SYTL5: variants seen among roughly 807,000 people sequenced by gnomAD.
SYTL5 encodes the protein synaptotagmin like 5, also known as synaptotagmin-like protein 5.
Under a neutral mutation model 55.9 loss-of-function variants are expected in SYTL5, and 34 were observed. The observed-to-expected ratio is 0.61, with a 90% CI of 0.46 to 0.81. SYTL5 has a LOEUF of 0.81. Ranked by LOEUF, SYTL5 falls within the 30% of genes least tolerant of loss-of-function variation. The pLI is 0.00. For missense variants in SYTL5, 637 were observed against 546.7 expected (o/e 1.17, Z -1.65); for synonymous variants, 221 against 188.7 (o/e 1.17, Z -1.40).
chrX:37,891,231 T>C, the SYTL5 span, among the ~76,000 whole-genome samples: 1 of 111,951 alleles, frequency 8.9e-6, no homozygotes, highest in Non-Finnish European at 1.9e-5. Context: ...ACAACCAAAA[T>C]GTCCATCAAT....
chrX:38,044,954 A>G (rs1193368293), intron 2 of SYTL5, among the ~76,000 whole-genome samples: 1 of 111,915 alleles, frequency 8.9e-6, no homozygotes, highest in African/African-American at 3.2e-5. Context: ...AAGGTATCAA[A>G]TTGCAGTGAT....
chrX:38,044,221 A>G (rs1178590293), intron 2 of SYTL5, among the ~76,000 whole-genome samples: 2 of 111,886 alleles, frequency 1.8e-5, no homozygotes, highest in East Asian at 5.6e-4. Flanking sequence ...CATTTCTTGT[A>G]TCATGTACTG....
the SYTL5 span, among the ~76,000 whole-genome samples, chrX:37,967,986 A>C: frequency 9.2e-6 from 1 of 108,617 alleles, no homozygotes; most frequent in African/African-American, 3.4e-5. Context: ...TGAATTCTTC[A>C]GCTTCCAGAT....
chrX:37,995,246 C>G, the SYTL5 span, among the ~76,000 whole-genome samples: 1 of 111,222 alleles, frequency 9.0e-6, no homozygotes, highest in Non-Finnish European at 1.9e-5. Context: ...GACTGAGGTG[C>G]AGGAGGCTTT....
At chrX:37,923,040 A>G in the SYTL5 span, among the ~76,000 whole-genome samples, 1 of 112,411 alleles carries the variant, frequency 8.9e-6, no homozygotes, top group Non-Finnish European at 1.9e-5. Context: ...CAGAAAGGAA[A>G]TTTAAAACTT....
chrX:37,986,867 A>C, the SYTL5 span, among the ~76,000 whole-genome samples: 1 of 111,744 alleles, frequency 8.9e-6, no homozygotes, highest in African/African-American at 3.3e-5. Flanking sequence ...AAGAGTTTTA[A>C]ATCTTTTTTT....
the SYTL5 span, among the ~76,000 whole-genome samples, chrX:37,905,028 G>C: frequency 9.0e-6 from 1 of 110,838 alleles, no homozygotes; most frequent in South Asian, 3.9e-4. Flanking sequence ...AACACACCAG[G>C]TCATGAGTCA....
chrX:38,105,709 T>A (rs893096774), intron 10 of SYTL5, among the ~76,000 whole-genome samples: 1 of 112,136 alleles, frequency 8.9e-6, no homozygotes, highest in Non-Finnish European at 1.9e-5. Flanking sequence ...TTAAAACTTA[T>A]GAATTTTTTG....
the SYTL5 span, among the ~76,000 whole-genome samples, chrX:37,952,729 AG>A: frequency 9.0e-6 from 1 of 111,204 alleles, no homozygotes; most frequent in African/African-American, 3.3e-5. Context: ...GCTATTTCAA[AG>A]ATGGTAAAAG....
At chrX:37,960,446 C>T in the SYTL5 span, among the ~76,000 whole-genome samples, 1 of 112,297 alleles carries the variant, frequency 8.9e-6, no homozygotes, top group Non-Finnish European at 1.9e-5. Context: ...GTTCCACAAG[C>T]TATTCCAGTT....
chrX:37,926,751 T>C, the SYTL5 span, among the ~76,000 whole-genome samples: 1 of 111,854 alleles, frequency 8.9e-6, no homozygotes, highest in African/African-American at 3.3e-5. Flanking sequence ...CCATGAACTT[T>C]ATCATTCTCT....
At chrX:38,071,808 T>C (rs1194882633) in intron 3 of SYTL5, among the ~76,000 whole-genome samples, 1 of 112,186 alleles carries the variant, frequency 8.9e-6, no homozygotes, top group Non-Finnish European at 1.9e-5. Flanking sequence ...AGGATAATAG[T>C]GTTTACATAA....
chrX:38,091,515 C>T (rs1292192391), intron 7 of SYTL5, among the ~76,000 whole-genome samples: 1 of 89,739 alleles, frequency 1.1e-5, no homozygotes, highest in Admixed American at 1.2e-4. Context: ...GACACTGGCA[C>T]AAGGCTGGGG....
chrX:37,892,364 A>G, the SYTL5 span, among the ~76,000 whole-genome samples: 5 of 105,857 alleles, frequency 4.7e-5, no homozygotes, highest in Middle Eastern at 9.9e-3. Context: ...ATTTATATAT[A>G]ATATATATAA....
At chrX:37,967,303 C>T in the SYTL5 span, among the ~76,000 whole-genome samples, 7 of 111,175 alleles carry the variant, frequency 6.3e-5, no homozygotes, top group Admixed American at 2.9e-4. Context: ...CTGCCCACCT[C>T]GGCCTCCCAA....
the SYTL5 span, among the ~76,000 whole-genome samples, chrX:37,930,494 C>G: frequency 9.0e-6 from 1 of 111,093 alleles, no homozygotes; most frequent in Non-Finnish European, 1.9e-5. Flanking sequence ...GAGTAGTCAT[C>G]ATTGGCAATG....
chrX:38,035,079 T>C (rs1935064625), intron 2 of SYTL5, among the ~76,000 whole-genome samples: 1 of 112,379 alleles, frequency 8.9e-6, no homozygotes, highest in South Asian at 3.7e-4. Context: ...TTAAGTATTC[T>C]TGATTGATGT....
At chrX:37,910,007 G>T in the SYTL5 span, among the ~76,000 whole-genome samples, 2 of 111,118 alleles carry the variant, frequency 1.8e-5, no homozygotes, top group Non-Finnish European at 3.8e-5. Flanking sequence ...TTTATGAGCT[G>T]ATCCTCAGAC....
chrX:37,990,507 T>C, the SYTL5 span, among the ~76,000 whole-genome samples: 1 of 112,516 alleles, frequency 8.9e-6, no homozygotes, highest in Admixed American at 9.4e-5. Flanking sequence ...AGTGGTGTCC[T>C]AAAGACAGAG....
Sources: allele counts gnomAD v4.1 joint callset (sites outside exome capture counted in the v4.1 genomes callset), GRCh38; gene constraint gnomAD v4.1.1; transcripts MANE v1.5; gene names NCBI Gene and HGNC (gene_info 2026-07-23, HGNC 2026-07-21).